The following OR5AN1 variants were observed in gnomAD, a reference collection of about 807,000 sequenced individuals.
OR5AN1 encodes the protein olfactory receptor 5AN1.
For synonymous variants in OR5AN1, 167 were observed against 131.8 expected (o/e 1.27, Z -1.83); for missense variants, 476 against 368.9 (o/e 1.29, Z -2.38).
Position 59,365,243 on chromosome 11 carries a change from G to A in OR5AN1, c.785G>A (p.Ser262Asn), listed in dbSNP as rs1857515796. 6.2e-7 allele frequency: 1 copy of A among 1,613,946 alleles called. No individual in the cohort carries two copies. ...ACATCAGGAATCTTTGTCTATTTGA[G>A]TTCCAGCTCTGGAGGTTCTTCAAGC... ...FYTSGIFVYL[S>N]SSSGGSSSFD... is the part of the protein sequence containing the mutation. Residue 262 changes from serine to asparagine, a missense_variant, in exon 2 of 2, where the codon AGT (serine) becomes AAT (asparagine). Ser to Asn is a conservative substitution (Grantham distance 46). Coordinates refer to ENST00000641998, the MANE Select transcript of OR5AN1 (RefSeq NM_001004729.2).
At chr11:59,363,214 C>T (rs760305693) in intron 1 of OR5AN1, among the ~76,000 whole-genome samples, 3 of 152,196 alleles carry the variant, frequency 2.0e-5, no homozygotes, top group Non-Finnish European at 4.4e-5. Flanking sequence ...TAAATGTGTG[C>T]TAAGTTTTTG....
At chr11:59,360,512 C>A (rs1002081392) in intron 1 of OR5AN1, among the ~76,000 whole-genome samples, 1 of 151,948 alleles carries the variant, frequency 6.6e-6, no homozygotes, top group Non-Finnish European at 1.5e-5. Flanking sequence ...GTTTTCTGCG[C>A]CTATCAACCC....
rs1485812186 is a variant in OR5AN1, at chr11:59,364,643, TC to T, written c.186del (p.Phe63SerfsTer8). ...TCCCACCTCCATACACCCATGTATT[TC>T]TTCCTCAGTAACCTGTCCTTCATAG... ...MDSHLHTPMY[F>X]FLSNLSFIDV... is the part of the protein sequence containing the mutation. On this transcript the variant is annotated frameshift_variant, in exon 2 of 2. Coordinates refer to ENST00000641998, the MANE Select transcript of OR5AN1 (RefSeq NM_001004729.2). LOFTEE classifies it low-confidence loss of function (END_TRUNC). 6.2e-7 allele frequency: 1 copy of T among 1,614,098 alleles called. No individual in the cohort carries two copies. The highest frequency in any genetic ancestry group is 2.2e-5 in the East Asian group (1 of 44,890).
chr11:59,360,951 T>C lies in OR5AN1; in HGVS notation c.-14+1679T>C, dbSNP rs117001399. Among the ~76,000 whole-genome samples the C allele has an allele frequency of 7.9e-5, 12 of 152,326 alleles. No individual in the cohort carries two copies. In the East Asian group the frequency reaches 2.3e-3, roughly 29 times the overall value. ...ACAAACTTGTTGAGTTCTGCAAATATTAGTATATACAATGCTTAGCATTAA... is the reference window on the plus strand; with the variant it reads ...ACAAACTTGTTGAGTTCTGCAAATACTAGTATATACAATGCTTAGCATTAA... On this transcript the variant is annotated intron_variant, in intron 1 of 1. Transcript: ENST00000641998.
rs1662092618 is a variant in OR5AN1, at chr11:59,371,669, A to T, written c.*6275A>T. ...CATCTTGAGGGAAGGTCCAGGGACAAATTTGGAAAAAATTATAGGATAGGC... is the reference window on the plus strand; with the variant it reads ...CATCTTGAGGGAAGGTCCAGGGACATATTTGGAAAAAATTATAGGATAGGC... On this transcript the variant is annotated 3_prime_UTR_variant, in exon 2 of 2. Coordinates refer to ENST00000641998, the MANE Select transcript of OR5AN1 (RefSeq NM_001004729.2). 6.6e-6 allele frequency: 1 copy of T among 152,252 alleles called. No homozygotes were observed. Among genetic ancestry groups the T allele is most frequent in the Admixed American group, 6.5e-5 (1 of 15,278 alleles). 9.4% of individuals were successfully genotyped at this position (152,252 alleles called of 1,614,324 possible). A position where few individuals can be genotyped will look rare whatever the true frequency, so the allele number is the denominator to read the frequency against.
In OR5AN1 at chr11:59,370,506, T is replaced by G. The variant is rs1179217014; in HGVS notation, c.*5112T>G. On this transcript the variant is annotated 3_prime_UTR_variant, in exon 2 of 2. Coordinates refer to ENST00000641998, the MANE Select transcript of OR5AN1 (RefSeq NM_001004729.2). Reference sequence around the variant, plus strand: ...ATTTCTATTCTAACCAATTAATGTATGAATTATGTGAAATACCAATCAAAA... The same window carrying G: ...ATTTCTATTCTAACCAATTAATGTAGGAATTATGTGAAATACCAATCAAAA... The G allele has an allele frequency of 6.6e-6, 1 of 152,232 alleles. No homozygotes were observed. The highest frequency in any genetic ancestry group is 1.9e-4 in the East Asian group (1 of 5,200). 9.4% of individuals were successfully genotyped at this position (152,232 alleles called of 1,614,324 possible). A position where few individuals can be genotyped will look rare whatever the true frequency, so the allele number is the denominator to read the frequency against.
Position 59,359,087 on chromosome 11 carries a change from C to G in OR5AN1, c.-199C>G, listed in dbSNP as rs1034837506. 5.9e-5 allele frequency: 9 copies of G among 152,190 alleles called. No homozygotes were observed. Among genetic ancestry groups the G allele is most frequent in the Admixed American group, 2.6e-4 (4 of 15,282 alleles). The allele number at this position is 152,190 out of a possible 1,614,324, so 9.4% of individuals were successfully genotyped here. A position where few individuals can be genotyped will look rare whatever the true frequency, so the allele number is the denominator to read the frequency against. On this transcript the variant is annotated 5_prime_UTR_variant, in exon 1 of 2. Coordinates refer to ENST00000641998, the MANE Select transcript of OR5AN1 (RefSeq NM_001004729.2). ...TAGAACAGTGGATTCTGTACCGTCT[C>G]AATATCCATGTAATTCTTCCAGTAA...
rs577534367 is a variant in OR5AN1 at position 59,366,813 on chromosome 11, T to C, written c.*1419T>C. 6.6e-6 allele frequency: 1 copy of C among 152,298 alleles called. No individual in the cohort carries two copies. Among genetic ancestry groups the C allele is most frequent in the East Asian group, 1.9e-4 (1 of 5,188 alleles). The allele number at this position is 152,298 out of a possible 1,614,324, so 9.4% of individuals were successfully genotyped here. On this transcript the variant is annotated 3_prime_UTR_variant, in exon 2 of 2. Transcript: ENST00000641998. ...TTCTATGTTCAAAGAATTTAAATGG[T>C]TTCAGTTGAGCTAAGTTTTACTGTT...
At position 59,370,988 on chromosome 11, in the gene OR5AN1, C is replaced by T. The variant is rs545084263; in HGVS notation, c.*5594C>T. On this transcript the variant is annotated 3_prime_UTR_variant, in exon 2 of 2. Transcript: ENST00000641998. ...TAGCTCTAGGCTGTTATCTTGTAGG[C>T]TTTTTCTTTTCACATGTCCATGTGT... 6.6e-6 allele frequency: 1 copy of T among 151,934 alleles called. No individual in the cohort carries two copies. The highest frequency in any genetic ancestry group is 2.1e-4 in the South Asian group (1 of 4,810). 9.4% of individuals were successfully genotyped at this position (151,934 alleles called of 1,614,324 possible). A position where few individuals can be genotyped will look rare whatever the true frequency, so the allele number is the denominator to read the frequency against.
In OR5AN1 at chr11:59,364,486, A is replaced by G. The variant is rs1400008386; in HGVS notation, c.28A>G (p.Ile10Val). 1 of 1,611,966 alleles carries G rather than the reference A, an allele frequency of 6.2e-7. No individual in the cohort carries two copies. The highest frequency in any genetic ancestry group is 8.5e-7 in the Non-Finnish European group (1 of 1,178,976). Residue 10 changes from isoleucine to valine, a missense_variant, in exon 2 of 2, where the codon ATC (isoleucine) becomes GTC (valine). Coordinates refer to ENST00000641998, the MANE Select transcript of OR5AN1 (RefSeq NM_001004729.2). ...GACTGGGGGAGGAAATATTACAGAA[A>G]TCACCTATTTCATCCTGCTGGGATT... Reference protein sequence around the residue: MTGGGNITEITYFILLGFSD... With the variant: MTGGGNITEVTYFILLGFSD...
intron 1 of OR5AN1, among the ~76,000 whole-genome samples, chr11:59,362,014 G>C (rs957094705): frequency 6.6e-6 from 1 of 151,740 alleles, no homozygotes. Flanking sequence ...GTGTGTGACA[G>C]AGAGAGAGAA....
rs1009484825 is a variant in OR5AN1, at chr11:59,359,163, C to T, written c.-123C>T. 6.6e-6 allele frequency: 1 copy of T among 152,206 alleles called. No homozygotes were observed. Among genetic ancestry groups the T allele is most frequent in the African/African-American group, 2.4e-5 (1 of 41,458 alleles). 9.4% of individuals were successfully genotyped at this position (152,206 alleles called of 1,614,324 possible). A position where few individuals can be genotyped will look rare whatever the true frequency, so the allele number is the denominator to read the frequency against. On this transcript the variant is annotated 5_prime_UTR_variant, in exon 1 of 2. Coordinates refer to ENST00000641998, the MANE Select transcript of OR5AN1 (RefSeq NM_001004729.2). ...GTCCTCAGTCTCTCTCATTCTTCAACTCTTCCCACTTCCTCACTTCCACAT... is the reference window on the plus strand; with the variant it reads ...GTCCTCAGTCTCTCTCATTCTTCAATTCTTCCCACTTCCTCACTTCCACAT...
At position 59,366,762 on chromosome 11, in the gene OR5AN1, T is replaced by A. The variant is rs1040465394; in HGVS notation, c.*1368T>A. On this transcript the variant is annotated 3_prime_UTR_variant, in exon 2 of 2. Transcript: ENST00000641998. ...GCATATAATAAACGCTATACGTGAA[T>A]CATGTATTATTATTTATTAAGTGCT... The A allele has an allele frequency of 6.6e-6, 1 of 152,232 alleles. No homozygotes were observed. Among genetic ancestry groups the A allele is most frequent in the Non-Finnish European group, 1.5e-5 (1 of 68,048 alleles). The allele number at this position is 152,232 out of a possible 1,614,324, so 9.4% of individuals were successfully genotyped here. A position where few individuals can be genotyped will look rare whatever the true frequency, so the allele number is the denominator to read the frequency against.
rs1195376592 is a variant in OR5AN1 at position 59,370,993 on chromosome 11, T to C, written c.*5599T>C. 6.6e-6 allele frequency: 1 copy of C among 152,248 alleles called. No individual in the cohort carries two copies. The highest frequency in any genetic ancestry group is 1.5e-5 in the Non-Finnish European group (1 of 68,052). The allele number at this position is 152,248 out of a possible 1,614,324, so 9.4% of individuals were successfully genotyped here. ...CTAGGCTGTTATCTTGTAGGCTTTT[T>C]CTTTTCACATGTCCATGTGTTATCT... is the stretch of plus-strand genomic sequence containing the variant. On this transcript the variant is annotated 3_prime_UTR_variant, in exon 2 of 2. Transcript: ENST00000641998.
In OR5AN1 at chr11:59,366,147, A is replaced by G. The variant is rs544626733; in HGVS notation, c.*753A>G. The G allele has an allele frequency of 2.0e-5, 3 of 152,330 alleles. No individual in the cohort carries two copies. Among genetic ancestry groups the G allele is most frequent in the Non-Finnish European group, 4.4e-5 (3 of 68,022 alleles). 9.4% of individuals were successfully genotyped at this position (152,330 alleles called of 1,614,324 possible). On this transcript the variant is annotated 3_prime_UTR_variant, in exon 2 of 2. Coordinates refer to ENST00000641998, the MANE Select transcript of OR5AN1 (RefSeq NM_001004729.2). ...TGAGTCTGATGATTTGATTTCTTGT[A>G]TCTAGAGTCTAGTGGGAAATTATAA...
In OR5AN1 at chr11:59,370,344, G is replaced by T. The variant is rs1056050859; in HGVS notation, c.*4950G>T. On this transcript the variant is annotated 3_prime_UTR_variant, in exon 2 of 2. Coordinates refer to ENST00000641998, the MANE Select transcript of OR5AN1 (RefSeq NM_001004729.2). ...GCAGGATAAAAAAGGAAGACCCAAT[G>T]GTATGCTGTCTTCAAGAGACCCGTC... 3 of 152,076 alleles carry T rather than the reference G, an allele frequency of 2.0e-5. No homozygotes were observed. The highest frequency in any genetic ancestry group is 2.0e-4 in the Admixed American group (3 of 15,262). The allele number at this position is 152,076 out of a possible 1,614,324, so 9.4% of individuals were successfully genotyped here. A position where few individuals can be genotyped will look rare whatever the true frequency, so the allele number is the denominator to read the frequency against.
Position 59,365,017 on chromosome 11 carries a change from A to G in OR5AN1, c.559A>G (p.Ile187Val), listed in dbSNP as rs754429689. 5.0e-6 allele frequency: 8 copies of G among 1,614,092 alleles called. No homozygotes were observed. Among genetic ancestry groups the G allele is most frequent in the Non-Finnish European group, 6.8e-6 (8 of 1,179,992 alleles). ...HFFCDMPQLL[I>V]LSCTDTFFVQ... ...CTTCTGTGACATGCCCCAACTGTTA[A>G]TCTTGTCCTGTACTGACACTTTCTT... is the stretch of plus-strand genomic sequence containing the variant. Residue 187 changes from isoleucine (I) to valine (V), a missense_variant, in exon 2 of 2, where the codon ATC becomes GTC. Transcript: ENST00000641998.
chr11:59,361,045 G>T (rs7121582), intron 1 of OR5AN1, among the ~76,000 whole-genome samples: 103,225 of 151,986 alleles, frequency 0.68, 35,184 homozygotes, highest in Admixed American at 0.72. Flanking sequence ...GGTACTTGGT[G>T]GTACTGGAAC....
chr11:59,360,322 G>T (rs1590579669), intron 1 of OR5AN1, among the ~76,000 whole-genome samples: 2 of 152,178 alleles, frequency 1.3e-5, no homozygotes, highest in African/African-American at 4.8e-5. Context: ...ATCTGTGAGA[G>T]CTTATATTTT....
Sources: allele counts gnomAD v4.1 joint callset (sites outside exome capture counted in the v4.1 genomes callset), GRCh38; gene constraint gnomAD v4.1.1; transcripts MANE v1.5; gene names NCBI Gene and HGNC (gene_info 2026-07-23, HGNC 2026-07-21).